The following RIMS2 variants were observed in gnomAD, a reference collection of about 807,000 sequenced individuals.
RIMS2 encodes the protein regulating synaptic membrane exocytosis 2.
Under a neutral mutation model 174.4 loss-of-function variants are expected in RIMS2, and 59 were observed. That is an observed-to-expected ratio of 0.34 (90% CI 0.27 to 0.42). The LOEUF (loss-of-function observed/expected upper bound fraction) is 0.42, where lower values mean the gene tolerates loss of function less well. Ranked by LOEUF, RIMS2 falls within the 10% of genes least tolerant of loss-of-function variation. The probability of loss-of-function intolerance (pLI) is 1.00; values close to 1 mark genes in which losing one functional copy is unlikely to be tolerated. For synonymous variants in RIMS2, 606 were observed against 572.5 expected (o/e 1.06, Z -0.84); for missense variants, 1,620 against 1,666.3 (o/e 0.97, Z 0.48).
chr8:104,160,185 A>G (rs2098752482), intron 19 of RIMS2, among the ~76,000 whole-genome samples: 1 of 152,164 alleles, frequency 6.6e-6, no homozygotes, highest in African/African-American at 2.4e-5. Flanking sequence ...ATATATTATA[A>G]CTTATTTGCA....
intron 3 of RIMS2, among the ~76,000 whole-genome samples, chr8:103,850,417 G>A (rs750743497): frequency 2.0e-5 from 3 of 152,034 alleles, no homozygotes; most frequent in Non-Finnish European, 4.4e-5. Flanking sequence ...TCCCCAAGTC[G>A]TTGACAGCTC....
At chr8:104,180,082 A>G (rs1388614618) in intron 19 of RIMS2, among the ~76,000 whole-genome samples, 4 of 151,840 alleles carry the variant, frequency 2.6e-5, no homozygotes, top group Non-Finnish European at 4.4e-5. Flanking sequence ...CTTCTACTGC[A>G]TAGATTTAAT....
intron 1 of RIMS2, among the ~76,000 whole-genome samples, chr8:103,645,032 G>T (rs913370202): frequency 6.6e-6 from 1 of 151,822 alleles, no homozygotes; most frequent in Admixed American, 6.6e-5. Context: ...CATTTTAATT[G>T]TTCTTCATTT....
chr8:103,979,314 A>G (rs2093695842), intron 16 of RIMS2, among the ~76,000 whole-genome samples: 1 of 152,198 alleles, frequency 6.6e-6, no homozygotes, highest in Admixed American at 6.5e-5. Context: ...TCAAAAGGCA[A>G]AAAATAATAT....
intron 2 of RIMS2, among the ~76,000 whole-genome samples, chr8:103,741,578 C>T (rs1187731664): frequency 6.6e-6 from 1 of 151,800 alleles, no homozygotes; most frequent in African/African-American, 2.4e-5. Flanking sequence ...GGAGTTATAC[C>T]AAAAAAGCTG....
intron 1 of RIMS2, among the ~76,000 whole-genome samples, chr8:103,512,317 A>C (rs1293641022): frequency 2.0e-5 from 3 of 152,216 alleles, no homozygotes; most frequent in African/African-American, 7.2e-5. Flanking sequence ...AGGTCAAAGA[A>C]GGGTGGATTT....
intron 3 of RIMS2, among the ~76,000 whole-genome samples, chr8:103,863,715 G>A (rs940649174): frequency 6.6e-6 from 1 of 151,754 alleles, no homozygotes; most frequent in Non-Finnish European, 1.5e-5. Context: ...TTTGTGGTTT[G>A]TATGTGTACA....
chr8:104,188,855 C>G lies in RIMS2; in HGVS notation c.3335-56061C>G, dbSNP rs185195620. Among the ~76,000 whole-genome samples the G allele has an allele frequency of 2.6e-5, 4 of 151,800 alleles. No individual in the cohort carries two copies. The Admixed American group carries it at 2.6e-4, about 10-fold the overall frequency. ...ATATATTACTTTTAAAATTATACGT[C>G]TTTTTCTATTCTGCAAAGAAAGAAG... On this transcript the variant is annotated intron_variant, in intron 19 of 23. Coordinates refer to ENST00000504942, the Ensembl canonical transcript of RIMS2.
intron 2 of RIMS2, among the ~76,000 whole-genome samples, chr8:103,701,812 C>T (rs2097171346): frequency 1.3e-5 from 2 of 151,974 alleles, no homozygotes; most frequent in South Asian, 4.1e-4. Flanking sequence ...ATATATACAA[C>T]ATTTTAGAAT....
chr8:104,144,876 G>A (rs1167109673), intron 19 of RIMS2, among the ~76,000 whole-genome samples: 1 of 151,946 alleles, frequency 6.6e-6, no homozygotes, highest in Non-Finnish European at 1.5e-5. Context: ...GAAAAACTCT[G>A]GGATTTGAAT....
At chr8:103,980,274 G>A (rs1432755257) in intron 16 of RIMS2, among the ~76,000 whole-genome samples, 2 of 152,068 alleles carry the variant, frequency 1.3e-5, no homozygotes, top group Non-Finnish European at 1.5e-5. Flanking sequence ...ACGAGGCAGA[G>A]TCAAGAAGCC....
chr8:104,113,690 C>CAT (rs1290023436), intron 19 of RIMS2, among the ~76,000 whole-genome samples: 3 of 151,450 alleles, frequency 2.0e-5, no homozygotes, highest in East Asian at 3.9e-4. Flanking sequence ...ATATATATAT[C>CAT]ATATATATAC....
intron 2 of RIMS2, among the ~76,000 whole-genome samples, chr8:103,707,820 G>A (rs558916912): frequency 1.3e-5 from 2 of 152,296 alleles, no homozygotes; most frequent in African/African-American, 2.4e-5. Context: ...GTCAACAGGC[G>A]GTGAAACCTG....
chr8:103,539,318 C>T (rs1254159401), intron 1 of RIMS2, among the ~76,000 whole-genome samples: 1 of 152,170 alleles, frequency 6.6e-6, no homozygotes, highest in African/African-American at 2.4e-5. Context: ...GCCTCAAATA[C>T]ACCACCAAGA....
rs200108887 is a variant in RIMS2 at position 103,524,794 on chromosome 8, T to TA, written c.176+23733dup. On this transcript the variant is annotated intron_variant, in intron 1 of 23. Coordinates refer to ENST00000504942, the Ensembl canonical transcript of RIMS2. ...ACCCCTGCCAGAACTGCACTGTTGT[T>TA]ACAGTAGCCAGAATTTGCATTGTAG... Among the ~76,000 whole-genome samples the TA allele has an allele frequency of 6.1e-3, 924 of 152,314 alleles. 9 individuals carry two copies. Among genetic ancestry groups the TA allele is most frequent in the Non-Finnish European group, 6.8e-3 (460 of 68,016 alleles).
At chr8:104,254,148 G>A (rs1338602056), downstream of RIMS2, 2 of 151,928 alleles carry the variant, frequency 1.3e-5, no homozygotes, top group Non-Finnish European at 1.5e-5. Flanking sequence ...AGAAGGACGT[G>A]ACTACGGAAT....
chr8:103,592,994 A>G (rs571151051), intron 1 of RIMS2, among the ~76,000 whole-genome samples: 9 of 151,438 alleles, frequency 5.9e-5, no homozygotes, highest in African/African-American at 1.9e-4. Flanking sequence ...GCTTTTTTTC[A>G]TGGGACTCAA....
At chr8:104,094,635 G>A (rs778868094) in intron 19 of RIMS2, 17 of 701,662 alleles carry the variant, frequency 2.4e-5, no homozygotes, top group East Asian at 5.4e-5. Flanking sequence ...ATCAGGAGAC[G>A]AGGAAAAAAC....
At chr8:103,818,286 T>A (rs2098730644) in intron 3 of RIMS2, among the ~76,000 whole-genome samples, 1 of 152,118 alleles carries the variant, frequency 6.6e-6, no homozygotes, top group South Asian at 2.1e-4. Flanking sequence ...TAAAGAAATG[T>A]CAAAGGTTAA....
Sources: gnomAD v4.1 joint callset for allele counts (sites outside exome capture counted in the v4.1 genomes callset) on GRCh38, gnomAD v4.1.1 for gene constraint, MANE v1.5 for transcripts, NCBI Gene and HGNC (gene_info 2026-07-23, HGNC 2026-07-21) for gene names.